GRM7: variants seen among roughly 807,000 people sequenced by gnomAD.
The protein encoded by GRM7 is glutamate metabotropic receptor 7, also known as metabotropic glutamate receptor 7.
GRM7 carries 35 observed loss-of-function variants against 84.5 expected under a neutral mutation model. The observed-to-expected ratio is 0.41, with a 90% CI of 0.32 to 0.55. The LOEUF (loss-of-function observed/expected upper bound fraction) is 0.55. Among genes scored for constraint, GRM7 ranks in the 20% least tolerant of loss-of-function variants. The probability of loss-of-function intolerance (pLI) is 0.19; values close to 1 mark genes in which losing one functional copy is unlikely to be tolerated. For missense variants in GRM7, 1,003 were observed against 1,194.6 expected (o/e 0.84, Z 2.36); for synonymous variants, 487 against 455.1 (o/e 1.07, Z -0.89).
At chr3:7,436,150 T>C (rs965529879) in intron 5 of GRM7, among the ~76,000 whole-genome samples, 1 of 152,146 alleles carries the variant, frequency 6.6e-6, no homozygotes, top group African/African-American at 2.4e-5. Context: ...TCTGGCCTTA[T>C]CAATTTTATT....
intron 1 of GRM7, among the ~76,000 whole-genome samples, chr3:6,987,176 C>A (rs546539061): frequency 4.2e-4 from 64 of 152,172 alleles, no homozygotes; most frequent in African/African-American, 1.5e-3. Flanking sequence ...GCTTTATTGA[C>A]AACTGTTTCT....
chr3:7,102,369 C>A (rs376042159), intron 1 of GRM7, among the ~76,000 whole-genome samples: 1 of 151,746 alleles, frequency 6.6e-6, no homozygotes, highest in South Asian at 2.1e-4. Context: ...TGGCTGCCAT[C>A]GCTTCTGAAG....
intron 2 of GRM7, among the ~76,000 whole-genome samples, chr3:7,153,442 G>A (rs576638511): frequency 1.3e-5 from 2 of 151,964 alleles, no homozygotes; most frequent in African/African-American, 2.4e-5. Context: ...TAAAATTCTC[G>A]AGGCTAGACA....
intron 7 of GRM7, among the ~76,000 whole-genome samples, chr3:7,550,800 T>A (rs763638528): frequency 1.3e-4 from 19 of 151,972 alleles, no homozygotes; most frequent in Non-Finnish European, 2.5e-4. Flanking sequence ...ACCAGATCTG[T>A]AGTTGGATGG....
At chr3:7,539,330 C>T (rs1156615194) in intron 7 of GRM7, among the ~76,000 whole-genome samples, 4 of 152,134 alleles carry the variant, frequency 2.6e-5, no homozygotes, top group Admixed American at 1.3e-4. Context: ...TTTCACCTGA[C>T]GATCAGGAAG....
intron 1 of GRM7, among the ~76,000 whole-genome samples, chr3:6,893,363 T>A (rs1207019916): frequency 1.3e-5 from 2 of 152,194 alleles, no homozygotes; most frequent in African/African-American, 4.8e-5. Context: ...CTTTAAAGTA[T>A]CTTGGCATAT....
At chr3:7,579,721 T>C (rs17047632) in intron 8 of GRM7, among the ~76,000 whole-genome samples, 49,826 of 152,048 alleles carry the variant, frequency 0.33, 8,806 homozygotes, top group African/African-American at 0.46. Flanking sequence ...AAGAGGAGCA[T>C]AGTACCTTCT....
At chr3:7,052,546 T>C (rs1426567158) in intron 1 of GRM7, among the ~76,000 whole-genome samples, 2 of 151,378 alleles carry the variant, frequency 1.3e-5, no homozygotes, top group Non-Finnish European at 3.0e-5. Context: ...TTGAATTTAA[T>C]CATCCCACCT....
intron 2 of GRM7, among the ~76,000 whole-genome samples, chr3:7,155,100 A>G (rs1040570521): frequency 2.6e-5 from 4 of 152,166 alleles, no homozygotes; most frequent in Non-Finnish European, 4.4e-5. Context: ...GCTTAGTGTC[A>G]TTACTGAAGT....
At chr3:7,402,245 G>T (rs1695484255) in intron 4 of GRM7, among the ~76,000 whole-genome samples, 1 of 152,150 alleles carries the variant, frequency 6.6e-6, no homozygotes, top group South Asian at 2.1e-4. Flanking sequence ...CACAGATAAG[G>T]TTACGTGCTC....
At chr3:7,314,308 C>G (rs1700506776) in intron 4 of GRM7, among the ~76,000 whole-genome samples, 1 of 150,354 alleles carries the variant, frequency 6.7e-6, no homozygotes, top group African/African-American at 2.5e-5. Flanking sequence ...AATATTCCAT[C>G]CCCCGTCTTT....
intron 2 of GRM7, among the ~76,000 whole-genome samples, chr3:7,229,753 ATATATATTTTT>A (rs1559514711): frequency 1.7e-3 from 50 of 29,296 alleles, no homozygotes; most frequent in African/African-American, 5.8e-3. Context: ...ATATATATAT[ATATATATTTTT>A]TTTTTTTTTT....
intron 1 of GRM7, among the ~76,000 whole-genome samples, chr3:6,951,436 C>T (rs1481922555): frequency 6.6e-6 from 1 of 152,048 alleles, no homozygotes; most frequent in East Asian, 1.9e-4. Context: ...ATAAATTTCC[C>T]CTTAAGTACT....
chr3:6,927,049 A>T (rs528825108), intron 1 of GRM7, among the ~76,000 whole-genome samples: 2 of 152,330 alleles, frequency 1.3e-5, no homozygotes, highest in Admixed American at 1.3e-4. Context: ...ACCACTGTAT[A>T]TGTAGACATA....
At chr3:6,962,230 C>T (rs371664613) in intron 1 of GRM7, among the ~76,000 whole-genome samples, 47 of 152,238 alleles carry the variant, frequency 3.1e-4, no homozygotes, top group African/African-American at 8.9e-4. Context: ...TTTTTGTCCC[C>T]GCACTTGCAT....
intron 4 of GRM7, chr3:7,403,050 A>G (rs1346678849): frequency 7.5e-6 from 2 of 268,220 alleles, no homozygotes; most frequent in African/African-American, 4.5e-5. Context: ...ACCAGAGTAC[A>G]AAATGAAGAT....
At chr3:7,198,520 G>A (rs1436778106) in intron 2 of GRM7, among the ~76,000 whole-genome samples, 3 of 152,106 alleles carry the variant, frequency 2.0e-5, no homozygotes, top group African/African-American at 7.2e-5. Flanking sequence ...TAAACCCATT[G>A]TAAGTCTGAA....
intron 1 of GRM7, among the ~76,000 whole-genome samples, chr3:7,056,246 A>G (rs112311936): frequency 1.3e-5 from 2 of 151,902 alleles, no homozygotes; most frequent in Non-Finnish European, 2.9e-5. Context: ...GGAAAAGAGG[A>G]CTTAGAGTTC....
At chr3:7,285,577 G>A (rs1227400502) in intron 2 of GRM7, among the ~76,000 whole-genome samples, 1 of 152,022 alleles carries the variant, frequency 6.6e-6, no homozygotes, top group East Asian at 1.9e-4. Flanking sequence ...TCCAGACTGG[G>A]GATAAAATGT....
Sources: gnomAD v4.1 joint callset for allele counts (sites outside exome capture counted in the v4.1 genomes callset) on GRCh38, gnomAD v4.1.1 for gene constraint, MANE v1.5 for transcripts, NCBI Gene and HGNC (gene_info 2026-07-23, HGNC 2026-07-21) for gene names.